The following DPYD variants were observed in gnomAD, a reference collection of about 807,000 sequenced individuals.
The protein encoded by DPYD is dihydropyrimidine dehydrogenase [NADP(+)].
In DPYD, 109 loss-of-function variants were observed where a neutral mutation model predicts 116.2. The observed-to-expected ratio is 0.94, with a 90% CI of 0.80 to 1.10. DPYD has a LOEUF of 1.10. DPYD is among the 50% of genes least tolerant of loss of function. DPYD has a pLI of 0.00. For synonymous variants in DPYD, 440 were observed against 432.0 expected, an observed-to-expected ratio of 1.02 and a Z score of -0.23; for missense variants, 1,302 against 1,254.5, an observed-to-expected ratio of 1.04 and a Z score of -0.57.
chr1:97,096,712 T>C (rs1472488881), intron 21 of DPYD, among the ~76,000 whole-genome samples: 1 of 151,796 alleles, frequency 6.6e-6, no homozygotes, highest in African/African-American at 2.4e-5. Flanking sequence ...ACAGGGAGGA[T>C]TGAAAAAAGG....
At chr1:97,203,113 A>G (rs1055349490) in intron 19 of DPYD, among the ~76,000 whole-genome samples, 2 of 152,070 alleles carry the variant, frequency 1.3e-5, no homozygotes, top group Non-Finnish European at 2.9e-5. Context: ...GGATTTTTCT[A>G]CTAACATCGT....
chr1:97,696,280 C>A (rs1661301909), intron 6 of DPYD, among the ~76,000 whole-genome samples: 1 of 151,958 alleles, frequency 6.6e-6, no homozygotes, highest in Non-Finnish European at 1.5e-5. Flanking sequence ...TTTGGTGATG[C>A]CATCCTCTGA....
At chr1:97,525,615 T>C (rs1648992626) in intron 12 of DPYD, among the ~76,000 whole-genome samples, 1 of 152,180 alleles carries the variant, frequency 6.6e-6, no homozygotes, top group Non-Finnish European at 1.5e-5. Context: ...GAAATAATCA[T>C]TAGCTTTATT....
Position 97,780,356 on chromosome 1 carries a change from T to C in DPYD, c.234-39877A>G, listed in dbSNP as rs1193315090. Among the ~76,000 whole-genome samples, 3 of 152,306 alleles carry C rather than the reference T, an allele frequency of 2.0e-5. No homozygotes were observed. In the East Asian group the frequency reaches 5.8e-4, roughly 29 times the overall value. On this transcript the variant is annotated intron_variant, in intron 3 of 22. Transcript: ENST00000370192. ...ATTCAGTAAACTTTTCCATATGTCA[T>C]GAACACTGAAAATTCACTAAAACTT...
At chr1:97,708,306 C>A (rs1403728721) in intron 5 of DPYD, among the ~76,000 whole-genome samples, 1 of 151,904 alleles carries the variant, frequency 6.6e-6, no homozygotes, top group Admixed American at 6.6e-5. Flanking sequence ...GGTTTATGAT[C>A]CATCTTTAAT....
At chr1:97,108,886 T>C (rs1333556018) in intron 20 of DPYD, among the ~76,000 whole-genome samples, 1 of 152,092 alleles carries the variant, frequency 6.6e-6, no homozygotes, top group Non-Finnish European at 1.5e-5. Flanking sequence ...GAGGTAAGAA[T>C]AAAATATAGA....
chr1:97,342,504 C>T (rs1669636241), intron 16 of DPYD, among the ~76,000 whole-genome samples: 2 of 152,080 alleles, frequency 1.3e-5, no homozygotes, highest in Admixed American at 6.6e-5. Flanking sequence ...GCAAAGTCGA[C>T]TTATGTTCTT....
intron 19 of DPYD, among the ~76,000 whole-genome samples, chr1:97,204,407 A>G (rs1659453541): frequency 6.6e-6 from 1 of 152,198 alleles, no homozygotes; most frequent in Non-Finnish European, 1.5e-5. Flanking sequence ...ATGGTTACAG[A>G]CAAACAAATG....
intron 20 of DPYD, among the ~76,000 whole-genome samples, chr1:97,100,164 T>C (rs1372176761): frequency 6.6e-6 from 1 of 152,114 alleles, no homozygotes; most frequent in African/African-American, 2.4e-5. Context: ...CAAGTGATAC[T>C]GACTTGCTAA....
chr1:97,226,931 A>C (rs767518372), intron 19 of DPYD, among the ~76,000 whole-genome samples: 38 of 152,318 alleles, frequency 2.5e-4, no homozygotes, highest in Non-Finnish European at 3.7e-4. Flanking sequence ...CATCTTGTCA[A>C]AGCATGTTAC....
At chr1:97,821,913 A>C (rs575679189) in intron 3 of DPYD, among the ~76,000 whole-genome samples, 98 of 152,124 alleles carry the variant, frequency 6.4e-4, no homozygotes, top group African/African-American at 2.1e-3. Flanking sequence ...GGAGATTTTA[A>C]ATCCCATTTT....
At chr1:97,775,215 C>T (rs1666333350) in intron 3 of DPYD, among the ~76,000 whole-genome samples, 1 of 152,058 alleles carries the variant, frequency 6.6e-6, no homozygotes, top group Non-Finnish European at 1.5e-5. Flanking sequence ...TTCTGAACCC[C>T]TGAATGTCTA....
intron 14 of DPYD, among the ~76,000 whole-genome samples, chr1:97,397,340 T>C (rs907368842): frequency 6.6e-6 from 1 of 152,094 alleles, no homozygotes; most frequent in Non-Finnish European, 1.5e-5. Flanking sequence ...ATGTCTTATA[T>C]GTATATGAAC....
chr1:97,242,321 T>C lies in DPYD; in HGVS notation c.2300-7327A>G, dbSNP rs145857027. Among the ~76,000 whole-genome samples, 350 of 150,858 alleles carry C rather than the reference T, an allele frequency of 2.3e-3. 1 individual carries two copies. The highest frequency in any genetic ancestry group is 8.1e-3 in the African/African-American group (336 of 41,314). On this transcript the variant is annotated intron_variant, in intron 18 of 22. Transcript: ENST00000370192. ...AGTAGTTACTCTATTAAATAAATTA[T>C]AGTTCACCAAGATATGATATTCCAG... is the stretch of plus-strand genomic sequence containing the variant.
intron 3 of DPYD, among the ~76,000 whole-genome samples, chr1:97,742,506 T>C (rs568366376): frequency 2.0e-4 from 31 of 152,258 alleles, no homozygotes; most frequent in African/African-American, 7.2e-4. Flanking sequence ...AATGCCATTG[T>C]TAGATTCACA....
At chr1:97,292,722 G>GCACACACACA (rs71765073) in intron 18 of DPYD, among the ~76,000 whole-genome samples, 91 of 149,932 alleles carry the variant, frequency 6.1e-4, no homozygotes, top group South Asian at 2.8e-3. Flanking sequence ...ACACGCGCGA[G>GCACACACACA]CACACACACA....
intron 13 of DPYD, 133 bp from the exon 14 acceptor site, chr1:97,450,356 C>T: frequency 1.1e-6 from 1 of 875,020 alleles, no homozygotes; most frequent in East Asian, 2.7e-5. Flanking sequence ...TTTTAATATA[C>T]ATTAAATTAG....
intron 16 of DPYD, among the ~76,000 whole-genome samples, chr1:97,325,576 T>C (rs1044554297): frequency 6.6e-6 from 1 of 152,002 alleles, no homozygotes; most frequent in Non-Finnish European, 1.5e-5. Context: ...TAAACAGACA[T>C]AAAAATGATC....
chr1:97,311,892 T>C (rs1375225091), intron 16 of DPYD, among the ~76,000 whole-genome samples: 1 of 151,706 alleles, frequency 6.6e-6, no homozygotes, highest in African/African-American at 2.4e-5. Context: ...TTTAGAGACA[T>C]ATATATGGGT....
Sources: gnomAD v4.1 joint callset for allele counts (sites outside exome capture counted in the v4.1 genomes callset) on GRCh38, gnomAD v4.1.1 for gene constraint, MANE v1.5 for transcripts, NCBI Gene and HGNC (gene_info 2026-07-23, HGNC 2026-07-21) for gene names.